Variants in ERN1 observed in about 807,000 individuals in gnomAD.
ERN1 encodes the protein serine/threonine-protein kinase/endoribonuclease IRE1.
In ERN1, 39 loss-of-function variants were observed where a neutral mutation model predicts 113.1. That is an observed-to-expected ratio of 0.34 (90% confidence interval 0.27 to 0.45). The LOEUF (loss-of-function observed/expected upper bound fraction) is 0.45, where lower values mean the gene tolerates loss of function less well. Among genes scored for constraint, ERN1 ranks in the 20% least tolerant of loss-of-function variants. The pLI is 1.00. For synonymous variants in ERN1, 507 were observed against 515.9 expected (o/e 0.98, Z 0.23); for missense variants, 976 against 1,274.8 (o/e 0.77, Z 3.57).
chr17:64,048,562 A>T (rs1912584727), intron 18 of ERN1, among the ~76,000 whole-genome samples: 1 of 152,152 alleles, frequency 6.6e-6, no homozygotes, highest in African/African-American at 2.4e-5. Context: ...GTCATGGGCC[A>T]ATTACCACCC....
rs992251641 is a variant in ERN1 at position 64,041,530 on chromosome 17, G to A, written c.*2458C>T. The A allele has an allele frequency of 2.6e-5, 4 of 152,142 alleles. No individual in the cohort carries two copies. The highest frequency in any genetic ancestry group is 6.5e-5 in the Admixed American group (1 of 15,270). The allele number at this position is 152,142 out of a possible 1,614,324, so 9.4% of individuals were successfully genotyped here. ...CAGATGATGCCCAAGGTGTTTTCAT[G>A]ACAAGTACCCACACGAGATCTCTTC... On this transcript the variant is annotated 3_prime_UTR_variant, in exon 22 of 22. Transcript: ENST00000433197.
At chr17:64,085,655 C>T (rs880069) in intron 2 of ERN1, among the ~76,000 whole-genome samples, 63,577 of 152,048 alleles carry the variant, frequency 0.42, 17,930 homozygotes, top group African/African-American at 0.81. Flanking sequence ...TTTAATAATC[C>T]AGCAGATAAG....
intron 17 of ERN1, among the ~76,000 whole-genome samples, chr17:64,051,197 C>T (rs1438284437): frequency 6.6e-6 from 1 of 151,592 alleles, no homozygotes; most frequent in Non-Finnish European, 1.5e-5. Context: ...GAAAAGAAAG[C>T]TCTGCTTTAC....
In ERN1 at chr17:64,054,668, A is replaced by C; in HGVS notation, c.1763+70T>G. On this transcript the variant is annotated intron_variant, in intron 14 of 21. Coordinates refer to ENST00000433197, the MANE Select transcript of ERN1 (RefSeq NM_001433.5). This position sits in a 1 kb window ranked among gnomAD's most constrained non-coding sequence, Gnocchi z 4.9. ...GACCCTGCTGTGCTCTGAGCCTGGCACCAGGCTCGCAACCTGACAGGCACT... is the reference window on the plus strand; with the variant it reads ...GACCCTGCTGTGCTCTGAGCCTGGCCCCAGGCTCGCAACCTGACAGGCACT... 7.8e-7 allele frequency: 1 copy of C among 1,276,246 alleles called. No homozygotes were observed. The highest frequency in any genetic ancestry group is 1.1e-6 in the Non-Finnish European group (1 of 906,882). 79.1% of individuals were successfully genotyped at this position (1,276,246 alleles called of 1,614,324 possible).
chr17:64,102,333 G>A (rs1038721958), intron 1 of ERN1, among the ~76,000 whole-genome samples: 2 of 152,058 alleles, frequency 1.3e-5, no homozygotes, highest in African/African-American at 4.8e-5. Flanking sequence ...ATTTAGTCTT[G>A]GAAAAATCTC....
intron 5 of ERN1, among the ~76,000 whole-genome samples, chr17:64,074,716 G>A (rs1446652856): frequency 6.6e-6 from 1 of 152,214 alleles, no homozygotes; most frequent in African/African-American, 2.4e-5. Flanking sequence ...CTGATGCTTT[G>A]AAAGCTGTGA....
At chr17:64,046,613 C>T (rs182149857) in intron 19 of ERN1, among the ~76,000 whole-genome samples, 1 of 152,206 alleles carries the variant, frequency 6.6e-6, no homozygotes, top group Non-Finnish European at 1.5e-5. Context: ...AATGGTTGGG[C>T]CAGGCAGCGT....
At chr17:64,114,637 G>A (rs78032654) in intron 1 of ERN1, among the ~76,000 whole-genome samples, 3 of 152,046 alleles carry the variant, frequency 2.0e-5, no homozygotes, top group Non-Finnish European at 2.9e-5. Flanking sequence ...TTTTTTTTAC[G>A]TGTCTTATTT....
chr17:64,102,006 C>T (rs939406459), intron 1 of ERN1, among the ~76,000 whole-genome samples: 2 of 152,022 alleles, frequency 1.3e-5, no homozygotes, highest in South Asian at 2.1e-4. Flanking sequence ...ATGGCCGGGA[C>T]CGGTGGCTCA....
intron 19 of ERN1, among the ~76,000 whole-genome samples, chr17:64,047,433 G>A (rs577308633): frequency 1.3e-5 from 2 of 152,106 alleles, no homozygotes; most frequent in Non-Finnish European, 2.9e-5. Context: ...GATTTACTTC[G>A]AAATAACCTG....
chr17:64,063,925 G>A lies in ERN1; in HGVS notation c.1087+61C>T, dbSNP rs989473124. 1.5e-5 allele frequency: 23 copies of A among 1,536,104 alleles called. No individual in the cohort carries two copies. Among genetic ancestry groups the A allele is most frequent in the East Asian group, 2.3e-5 (1 of 44,178 alleles). On this transcript the variant is annotated intron_variant, in intron 10 of 21. Coordinates refer to ENST00000433197, the MANE Select transcript of ERN1 (RefSeq NM_001433.5). The surrounding 1 kb of genome is among the most constrained non-coding windows in gnomAD (Gnocchi z 5.1). ...GTACGGTGTAACTACCAGGGCCGGC[G>A]GTCGCCCACCAGGAGGCAGCACGCT...
intron 4 of ERN1, among the ~76,000 whole-genome samples, chr17:64,076,088 A>G (rs1471361141): frequency 6.6e-6 from 1 of 152,234 alleles, no homozygotes; most frequent in Non-Finnish European, 1.5e-5. Flanking sequence ...AAGAAACTCA[A>G]AGGAATCCAA....
chr17:64,094,129 G>A (rs977149060), intron 2 of ERN1, among the ~76,000 whole-genome samples: 3 of 152,152 alleles, frequency 2.0e-5, no homozygotes, highest in African/African-American at 7.2e-5. Flanking sequence ...AAGCACAAAT[G>A]TACTTTTTCA....
intron 8 of ERN1, among the ~76,000 whole-genome samples, chr17:64,065,616 C>A (rs1332179779): frequency 6.6e-6 from 1 of 152,110 alleles, no homozygotes. Flanking sequence ...TGCTTACTAC[C>A]ACCGCCGAGG....
chr17:64,045,276 G>C lies in ERN1; in HGVS notation c.2653+83C>G, dbSNP rs941005520. The C allele has an allele frequency of 1.3e-5, 20 of 1,539,992 alleles. No homozygotes were observed. The Admixed American group carries it at 2.1e-4, about 16-fold the overall frequency. On this transcript the variant is annotated intron_variant, in intron 20 of 21. Coordinates refer to ENST00000433197, the MANE Select transcript of ERN1 (RefSeq NM_001433.5). The stretch of plus-strand genomic sequence containing the variant: ...TGGGATGTGGGGCCTGAACAGCCTG[G>C]AGCGGCCATTTCCACGTTTACTTTT...
intron 2 of ERN1, among the ~76,000 whole-genome samples, chr17:64,097,198 A>T (rs1164416913): frequency 2.0e-5 from 3 of 152,250 alleles, no homozygotes; most frequent in African/African-American, 7.2e-5. Context: ...GTGGGGCAGG[A>T]TGGCTTGTGG....
rs1395033802 is a variant in ERN1, at chr17:64,054,235, A to G, written c.1953+15T>C. On this transcript the variant is annotated intron_variant, in intron 15 of 21. Transcript: ENST00000433197. The surrounding 1 kb of genome is among the most constrained non-coding windows in gnomAD (Gnocchi z 4.9). ...GACTTTAATAAAGTTAACAAAATAA[A>G]AAAAATAAATCCACCTCTTGCAGGG... is the stretch of plus-strand genomic sequence containing the variant. The G allele has an allele frequency of 6.3e-7, 1 of 1,592,016 alleles. No individual in the cohort carries two copies. The highest frequency in any genetic ancestry group is 8.6e-7 in the Non-Finnish European group (1 of 1,166,996).
At chr17:64,073,002 A>G (rs532967843) in intron 5 of ERN1, among the ~76,000 whole-genome samples, 1 of 116,814 alleles carries the variant, frequency 8.6e-6, no homozygotes, top group Non-Finnish European at 1.9e-5. Flanking sequence ...AGAGCCTTTG[A>G]AATTTTTTTT....
Position 64,039,759 on chromosome 17 carries a change from C to A in ERN1, c.*4229G>T, listed in dbSNP as rs1196154409. 6.6e-6 allele frequency: 1 copy of A among 152,236 alleles called. No homozygotes were observed. Among genetic ancestry groups the A allele is most frequent in the African/African-American group, 2.4e-5 (1 of 41,440 alleles). The allele number at this position is 152,236 out of a possible 1,614,324, so 9.4% of individuals were successfully genotyped here. ...GGTAAGTGGGGACTCCCCATCACAG[C>A]TTTAGGGACACTGAAAAGGAATACT... is the stretch of plus-strand genomic sequence containing the variant. On this transcript the variant is annotated 3_prime_UTR_variant, in exon 22 of 22. Coordinates refer to ENST00000433197, the MANE Select transcript of ERN1 (RefSeq NM_001433.5).
Sources: allele counts gnomAD v4.1 joint callset (sites outside exome capture counted in the v4.1 genomes callset), GRCh38; gene constraint gnomAD v4.1.1; non-coding constraint Gnocchi (gnomAD v3.1); transcripts MANE v1.5; gene names NCBI Gene and HGNC (gene_info 2026-07-23, HGNC 2026-07-21).